The following HTT variants were observed in gnomAD, a reference collection of about 807,000 sequenced individuals.
HTT encodes the protein huntingtin, also known as huntington disease protein.
HTT carries 104 observed loss-of-function variants against 362.3 expected under a neutral mutation model. The observed-to-expected ratio is 0.29, with a 90% CI of 0.24 to 0.34. The LOEUF (loss-of-function observed/expected upper bound fraction) is 0.34, where lower values mean the gene tolerates loss of function less well. HTT is among the 10% of genes least tolerant of loss of function. The pLI is 1.00. For missense variants in HTT, 3,301 were observed against 3,928.6 expected, an observed-to-expected ratio of 0.84 and a Z score of 4.27; for synonymous variants, 1,577 against 1,548.7, an observed-to-expected ratio of 1.02 and a Z score of -0.43.
chr4:3,121,471 G>A lies in HTT; in HGVS notation c.1273+39G>A, dbSNP rs1189712430. On this transcript the variant is annotated intron_variant, in intron 9 of 66. Transcript: ENST00000355072. ...AAGGTCTACTCTTACAATTAACTTT[G>A]CAGTAATACTAGTTACACTCTATTG... The A allele has an allele frequency of 7.9e-6, 11 of 1,387,400 alleles. No individual in the cohort carries two copies. In the Middle Eastern group the frequency reaches 6.0e-4, roughly 75 times the overall value. 85.9% of individuals were successfully genotyped at this position (1,387,400 alleles called of 1,614,324 possible).
chr4:3,133,970 G>A lies in HTT; in HGVS notation c.2494-431G>A, dbSNP rs561159644. 2.6e-5 allele frequency among the ~76,000 whole-genome samples: 4 copies of A among 152,256 alleles called. No individual in the cohort carries two copies. In the South Asian group the frequency reaches 6.2e-4, roughly 24 times the overall value. On this transcript the variant is annotated intron_variant, in intron 18 of 66. Transcript: ENST00000355072. ...GCAGGGGAGGGGTACAGCAGTAGGG[G>A]CCTGTTCTGTTCTCTCGTGCTGTGG...
intron 38 of HTT, among the ~76,000 whole-genome samples, chr4:3,187,262 T>A (rs1220642362): frequency 9.9e-5 from 15 of 151,566 alleles, no homozygotes; most frequent in Non-Finnish European, 2.2e-4. Flanking sequence ...TTCAAGCAAT[T>A]TTCCTGCCTC....
chr4:3,114,297 G>T (rs757792756), intron 6 of HTT, among the ~76,000 whole-genome samples: 111 of 152,340 alleles, frequency 7.3e-4, no homozygotes, highest in Non-Finnish European at 1.4e-3. Context: ...CAACCTTCCA[G>T]TGTGGGCATT....
intron 6 of HTT, among the ~76,000 whole-genome samples, chr4:3,108,663 G>T (rs1193442868): frequency 6.6e-6 from 1 of 152,156 alleles, no homozygotes; most frequent in Non-Finnish European, 1.5e-5. Context: ...TTTGTTGAAC[G>T]TAGAATCCGT....
At chr4:3,098,739 G>A (rs959526054) in intron 2 of HTT, among the ~76,000 whole-genome samples, 1 of 152,150 alleles carries the variant, frequency 6.6e-6, no homozygotes, top group Admixed American at 6.6e-5. Context: ...GTGAAATATG[G>A]TTATACTTTG....
At chr4:3,205,156 CAAAT>C (rs1379146128) in intron 42 of HTT, among the ~76,000 whole-genome samples, 2 of 151,836 alleles carry the variant, frequency 1.3e-5, no homozygotes, top group African/African-American at 2.4e-5. Flanking sequence ...TACAAAAAAA[CAAAT>C]AAACGGAGGA....
intron 2 of HTT, among the ~76,000 whole-genome samples, chr4:3,095,606 A>G (rs1030366972): frequency 6.6e-6 from 1 of 152,146 alleles, no homozygotes; most frequent in Non-Finnish European, 1.5e-5. Context: ...GAAAGAAAAA[A>G]TTTTTTGTTT....
Position 3,230,036 on chromosome 4 carries a change from T to G in HTT, c.8259T>G (p.Leu2753=). The G allele has an allele frequency of 6.2e-7, 1 of 1,613,776 alleles. No individual in the cohort carries two copies. The highest frequency in any genetic ancestry group is 8.5e-7 in the Non-Finnish European group (1 of 1,179,718). Reference sequence around the variant, plus strand: ...CCACCTGCAAGGCAGCTGCCGTCCTTGGGATGGTAAGTGACAGGTGGCACA... The same window carrying G: ...CCACCTGCAAGGCAGCTGCCGTCCTGGGGATGGTAAGTGACAGGTGGCACA... ...VPATCKAAAV[L]GMDKAVAEPV... is the part of the protein sequence containing the mutation. The change falls in exon 60 of 67, where the codon CTT becomes CTG. Residue 2753 remains leucine (L), a synonymous_variant. Coordinates refer to ENST00000355072, the MANE Select transcript of HTT (RefSeq NM_001388492.1).
intron 1 of HTT, among the ~76,000 whole-genome samples, chr4:3,080,963 C>G (rs557761008): frequency 9.8e-5 from 15 of 152,314 alleles, no homozygotes; most frequent in African/African-American, 3.6e-4. Flanking sequence ...CGATCCTGTG[C>G]CAGTACCATA....
intron 40 of HTT, among the ~76,000 whole-genome samples, chr4:3,198,810 G>A (rs528884262): frequency 3.9e-5 from 6 of 152,366 alleles, no homozygotes; most frequent in African/African-American, 1.2e-4. Flanking sequence ...CCAGCATTGT[G>A]TGTGGGGAGG....
At chr4:3,150,298 C>T (rs1040106522) in intron 26 of HTT, among the ~76,000 whole-genome samples, 15 of 152,280 alleles carry the variant, frequency 9.9e-5, no homozygotes, top group East Asian at 3.9e-4. Context: ...AACCCCGATT[C>T]GGTTTAATTT....
At chr4:3,116,012 T>G (rs1258361016) in intron 7 of HTT, 73 bp from the exon 8 acceptor site, 2 of 1,395,082 alleles carry the variant, frequency 1.4e-6, no homozygotes, top group Non-Finnish European at 2.0e-6. Flanking sequence ...GATCTCTTCT[T>G]TTTTAACAGA....
At chr4:3,232,639 C>G (rs1721312291) in intron 60 of HTT, among the ~76,000 whole-genome samples, 1 of 152,220 alleles carries the variant, frequency 6.6e-6, no homozygotes, top group African/African-American at 2.4e-5. Flanking sequence ...GCACACAAAA[C>G]AAAATCAGCA....
chr4:3,174,144 A>G (rs911250347), intron 31 of HTT, among the ~76,000 whole-genome samples: 1 of 152,184 alleles, frequency 6.6e-6, no homozygotes, highest in South Asian at 2.1e-4. Context: ...AAAACACTAG[A>G]GTCAGGAGTC....
intron 2 of HTT, among the ~76,000 whole-genome samples, chr4:3,097,682 T>G (rs1303799153): frequency 6.6e-6 from 1 of 152,124 alleles, no homozygotes; most frequent in African/African-American, 2.4e-5. Flanking sequence ...ATGAACAACT[T>G]TATGCCAATA....
intron 29 of HTT, among the ~76,000 whole-genome samples, chr4:3,168,280 C>A (rs1717807043): frequency 6.6e-6 from 1 of 152,236 alleles, no homozygotes; most frequent in Non-Finnish European, 1.5e-5. Context: ...AGAGCCCCTG[C>A]ACCAACATGC....
chr4:3,217,718 T>A, intron 51 of HTT, 47 bp from the exon 52 acceptor site: 1 of 1,504,916 alleles, frequency 6.6e-7, no homozygotes, highest in Non-Finnish European at 9.1e-7. Flanking sequence ...ACTGGGCATA[T>A]AGGATGTGTT....
chr4:3,243,868 C>T lies in HTT; in HGVS notation c.*3809C>T, dbSNP rs1251255202. The T allele has an allele frequency of 6.6e-6, 1 of 152,206 alleles. No homozygotes were observed. Among genetic ancestry groups the T allele is most frequent in the African/African-American group, 2.4e-5 (1 of 41,446 alleles). 9.4% of individuals were successfully genotyped at this position (152,206 alleles called of 1,614,324 possible). A position where few individuals can be genotyped will look rare whatever the true frequency, so the allele number is the denominator to read the frequency against. On this transcript the variant is annotated 3_prime_UTR_variant, in exon 67 of 67. Transcript: ENST00000355072. ...ACCCAGACCTGAATGCTTCTGAGAGCAAAGGGAAGGACTGACGAGAGATGT... is the reference window on the plus strand; with the variant it reads ...ACCCAGACCTGAATGCTTCTGAGAGTAAAGGGAAGGACTGACGAGAGATGT...
Position 3,223,954 on chromosome 4 carries a change from G to A in HTT, c.7626-38G>A, listed in dbSNP as rs779767112. ...TGTTTTTCACTTGTAAGATTTTGAA[G>A]GAAACAAAACACTCTTTACCTTTTT... On this transcript the variant is annotated intron_variant, in intron 55 of 66. Coordinates refer to ENST00000355072, the MANE Select transcript of HTT (RefSeq NM_001388492.1). 3 of 1,609,360 alleles carry A rather than the reference G, an allele frequency of 1.9e-6. No homozygotes were observed. In the South Asian group the frequency reaches 3.3e-5, roughly 18 times the overall value.
Sources: allele counts gnomAD v4.1 joint callset (sites outside exome capture counted in the v4.1 genomes callset), GRCh38; gene constraint gnomAD v4.1.1; transcripts MANE v1.5; gene names NCBI Gene and HGNC (gene_info 2026-07-23, HGNC 2026-07-21).